The following PTH2R variants were observed in gnomAD, a reference collection of about 807,000 sequenced individuals.
PTH2R encodes the protein PTH2 receptor.
PTH2R carries 59 observed loss-of-function variants against 60.3 expected under a neutral mutation model. The ratio of observed to expected loss-of-function variants is 0.98; its 90% CI spans 0.79 to 1.22. The LOEUF is 1.22. PTH2R is among the 50% of genes most tolerant of loss of function. The pLI, the probability that PTH2R is intolerant of heterozygous loss-of-function variation, is 0.00. For synonymous variants in PTH2R, 256 were observed against 243.8 expected, an observed-to-expected ratio of 1.05 and a Z score of -0.47; for missense variants, 749 against 682.6, an observed-to-expected ratio of 1.10 and a Z score of -1.08.
chr2:208,411,323 T>C (rs554468641), intron 1 of PTH2R, among the ~76,000 whole-genome samples: 1 of 152,314 alleles, frequency 6.6e-6, no homozygotes, highest in East Asian at 1.9e-4. Flanking sequence ...ACAAACACTA[T>C]TGTAGTTAAA....
chr2:208,402,830 G>A (rs1701335054), upstream of PTH2R, among the ~76,000 whole-genome samples: 1 of 152,156 alleles, frequency 6.6e-6, no homozygotes, highest in Non-Finnish European at 1.5e-5. Flanking sequence ...ATGAGAAGGT[G>A]CTTAGTACAT....
rs189370351 is a variant in PTH2R, at chr2:208,443,715, A to C, written c.699+178A>C. ...CAATTCTGTCCTTTCATGTCTAATC[A>C]ATCATTTTATTAAAAGTTCTTGGGT... is the stretch of plus-strand genomic sequence containing the variant. On this transcript the variant is annotated intron_variant, in intron 6 of 12. Transcript: ENST00000272847. 2.6e-5 allele frequency among the ~76,000 whole-genome samples: 4 copies of C among 152,306 alleles called. No individual in the cohort carries two copies. The East Asian group carries it at 7.7e-4, about 29-fold the overall frequency.
intron 9 of PTH2R, among the ~76,000 whole-genome samples, chr2:208,472,269 A>G (rs1339841863): frequency 6.6e-6 from 1 of 151,846 alleles, no homozygotes; most frequent in Non-Finnish European, 1.5e-5. Context: ...GGGAGAGTCC[A>G]GGGGTGGAAT....
rs1405047801 is a variant in PTH2R at position 208,458,392 on chromosome 2, G to A, written c.915-1503G>A. Among the ~76,000 whole-genome samples the A allele has an allele frequency of 2.6e-5, 4 of 152,154 alleles. No homozygotes were observed. The East Asian group carries it at 7.7e-4, about 29-fold the overall frequency. On this transcript the variant is annotated intron_variant, in intron 8 of 12. Coordinates refer to ENST00000272847, the MANE Select transcript of PTH2R (RefSeq NM_005048.4). The stretch of plus-strand genomic sequence containing the variant: ...GTTAAAAACAAACTTTTTAAAATTA[G>A]GATAAGGTCGTGGATCTTATACAAA...
chr2:208,446,927 T>C (rs1426890954), intron 7 of PTH2R, among the ~76,000 whole-genome samples: 1 of 152,186 alleles, frequency 6.6e-6, no homozygotes, highest in Admixed American at 6.6e-5. Context: ...AATTTTATAC[T>C]TACTTCCAAT....
rs758929638 is a variant in PTH2R, at chr2:208,444,899, A to T, written c.853+12A>T. The T allele has an allele frequency of 6.2e-7, 1 of 1,609,822 alleles. No homozygotes were observed. The highest frequency in any genetic ancestry group is 1.1e-5 in the South Asian group (1 of 90,432). On this transcript the variant is annotated intron_variant, in intron 7 of 12. Transcript: ENST00000272847. Reference sequence around the variant, plus strand: ...CTTGATAGGCTGGGGTAAGACATTTATATCTCTGTTCCTTTCAAACTGGAT... The same window carrying T: ...CTTGATAGGCTGGGGTAAGACATTTTTATCTCTGTTCCTTTCAAACTGGAT...
chr2:208,361,140 C>T (rs1192753457), intron 1 of PTH2R: 1 of 158,028 alleles, frequency 6.3e-6, no homozygotes, highest in Non-Finnish European at 1.4e-5. Context: ...CCCTCCTGGC[C>T]CGTCAGCGTC....
intron 9 of PTH2R, among the ~76,000 whole-genome samples, chr2:208,461,889 G>T (rs937632800): frequency 6.6e-6 from 1 of 152,222 alleles, no homozygotes; most frequent in Non-Finnish European, 1.5e-5. Flanking sequence ...CGCTGTTGGC[G>T]AAGGAGAAAT....
chr2:208,453,382 C>T (rs979359363), intron 8 of PTH2R, among the ~76,000 whole-genome samples: 17 of 152,138 alleles, frequency 1.1e-4, no homozygotes, highest in African/African-American at 3.1e-4. Context: ...CTTGTTAGTG[C>T]GTTTGAAATC....
intron 10 of PTH2R, among the ~76,000 whole-genome samples, chr2:208,483,395 T>C (rs1191909071): frequency 1.3e-5 from 2 of 152,216 alleles, no homozygotes; most frequent in African/African-American, 4.8e-5. Flanking sequence ...TAGTGGTGTT[T>C]AGAAGCTACT....
intron 1 of PTH2R, among the ~76,000 whole-genome samples, chr2:208,385,198 G>A (rs765098787): frequency 4.6e-5 from 7 of 152,084 alleles, no homozygotes; most frequent in Non-Finnish European, 8.8e-5. Context: ...CCAAGAAACT[G>A]TGTTTTTAAA....
rs149621273 is a variant in PTH2R, at chr2:208,423,433, G to C, written c.76-4768G>C. ...TTGATTTCCAGTTTGATTCCATTGT[G>C]GTCTGAGAACATTGCAGTCTGAGAA... On this transcript the variant is annotated intron_variant, in intron 1 of 12. Transcript: ENST00000272847. Among the ~76,000 whole-genome samples, 309 of 152,056 alleles carry C rather than the reference G, an allele frequency of 2.0e-3. 2 individuals are homozygous for C. Among genetic ancestry groups the C allele is most frequent in the African/African-American group, 7.0e-3 (291 of 41,488 alleles).
At chr2:208,442,071 A>G (rs1227327577) in intron 4 of PTH2R, among the ~76,000 whole-genome samples, 3 of 152,218 alleles carry the variant, frequency 2.0e-5, no homozygotes, top group Non-Finnish European at 1.5e-5. Context: ...GTCAAGAGGT[A>G]TATGAAGTAT....
intron 5 of PTH2R, among the ~76,000 whole-genome samples, chr2:208,442,940 A>AT (rs1489437728): frequency 6.6e-6 from 1 of 152,208 alleles, no homozygotes; most frequent in African/African-American, 2.4e-5. Flanking sequence ...CACCCTTCAT[A>AT]TACTGGGATT....
At chr2:208,476,257 G>A (rs1477058029) in intron 9 of PTH2R, among the ~76,000 whole-genome samples, 1 of 152,130 alleles carries the variant, frequency 6.6e-6, no homozygotes, top group Non-Finnish European at 1.5e-5. Context: ...AAAAACAAGG[G>A]TTGACTAGGA....
intron 1 of PTH2R, among the ~76,000 whole-genome samples, chr2:208,412,070 C>T (rs577072169): frequency 6.6e-6 from 1 of 152,280 alleles, no homozygotes; most frequent in Middle Eastern, 3.4e-3. Context: ...TTTTCTCTTC[C>T]TTTTATTTCT....
In PTH2R at chr2:208,437,519, A is replaced by ATT; in HGVS notation, c.179-10_179-9dup. Reference sequence around the variant, plus strand: ...CATTTTTCTTTGTTTATTTGCTTTAATTTTTTTTTCTCATTAGAAGGTAAT... The same window carrying ATT: ...CATTTTTCTTTGTTTATTTGCTTTAATTTTTTTTTTTCTCATTAGAAGGTAAT... On this transcript the variant is annotated splice_polypyrimidine_tract_variant and intron_variant, in intron 2 of 12. Transcript: ENST00000272847. 3.2e-6 allele frequency: 5 copies of ATT among 1,550,188 alleles called. No homozygotes were observed. The highest frequency in any genetic ancestry group is 2.0e-5 in the Admixed American group (1 of 50,940).
At chr2:208,359,921 A>C (rs1052322382) in exon 1 of PTH2R, 4 of 234,826 alleles carry the variant, frequency 1.7e-5, no homozygotes, top group Admixed American at 5.2e-5. Context: ...GGGAGGTGGC[A>C]GATCTGCGGG....
intron 1 of PTH2R, among the ~76,000 whole-genome samples, chr2:208,377,936 C>T (rs1391751578): frequency 1.3e-5 from 2 of 151,904 alleles, no homozygotes; most frequent in Non-Finnish European, 2.9e-5. Flanking sequence ...CGATGGGCGG[C>T]CAGGCAGAGA....
Sources: allele counts gnomAD v4.1 joint callset (sites outside exome capture counted in the v4.1 genomes callset), GRCh38; gene constraint gnomAD v4.1.1; transcripts MANE v1.5; gene names NCBI Gene and HGNC (gene_info 2026-07-23, HGNC 2026-07-21).